XKR4: variants seen among roughly 807,000 people sequenced by gnomAD.
The protein encoded by XKR4 is XK related 4.
XKR4 carries 12 observed loss-of-function variants against 53.9 expected under a neutral mutation model. That is an observed-to-expected ratio of 0.22 (90% CI 0.14 to 0.36). The LOEUF (loss-of-function observed/expected upper bound fraction) is 0.36. XKR4 is among the 10% of genes least tolerant of loss of function. The pLI is 1.00. For synonymous variants in XKR4, 354 were observed against 362.4 expected (o/e 0.98, Z 0.26); for missense variants, 799 against 859.5 (o/e 0.93, Z 0.88).
intron 1 of XKR4, among the ~76,000 whole-genome samples, chr8:55,215,148 T>C (rs1394744480): frequency 1.3e-5 from 2 of 152,020 alleles, no homozygotes; most frequent in Non-Finnish European, 2.9e-5. Context: ...AGCTGCTGAG[T>C]ATTATCACAT....
At chr8:55,143,374 A>C (rs1466107072) in intron 1 of XKR4, among the ~76,000 whole-genome samples, 1 of 152,340 alleles carries the variant, frequency 6.6e-6, no homozygotes, top group African/African-American at 2.4e-5. Flanking sequence ...TAAAGTATAA[A>C]AAATTATCTC....
chr8:55,376,932 A>G (rs896751261), intron 2 of XKR4, among the ~76,000 whole-genome samples: 29 of 139,690 alleles, frequency 2.1e-4, no homozygotes, highest in African/African-American at 7.6e-4. Flanking sequence ...ACCCCTCTCC[A>G]TACACACACA....
chr8:55,451,559 G>A, intron 2 of XKR4: 1 of 1,110,062 alleles, frequency 9.0e-7, no homozygotes, highest in South Asian at 1.4e-5. Flanking sequence ...CCCCCAGAAT[G>A]CAGCAGTACT....
chr8:55,308,178 G>A (rs747145347), intron 1 of XKR4, among the ~76,000 whole-genome samples: 25 of 152,138 alleles, frequency 1.6e-4, no homozygotes, highest in African/African-American at 3.6e-4. Context: ...GCTTGAACCC[G>A]GGAGGCATAG....
intron 2 of XKR4, among the ~76,000 whole-genome samples, chr8:55,490,726 T>A (rs764240006): frequency 5.1e-4 from 78 of 152,354 alleles, no homozygotes; most frequent in Non-Finnish European, 9.1e-4. Flanking sequence ...ACTTTTTTAC[T>A]CTGACTACTT....
At chr8:55,181,763 G>T (rs1475139593) in intron 1 of XKR4, among the ~76,000 whole-genome samples, 1 of 152,002 alleles carries the variant, frequency 6.6e-6, no homozygotes, top group Non-Finnish European at 1.5e-5. Flanking sequence ...CTTCATGAAG[G>T]TCAGCTGTAA....
In XKR4 at chr8:55,208,381, T is replaced by C. The variant is rs141136378; in HGVS notation, c.806+105087T>C. Among the ~76,000 whole-genome samples, 18 of 152,334 alleles carry C rather than the reference T, an allele frequency of 1.2e-4. No homozygotes were observed. In the East Asian group the frequency reaches 3.5e-3, roughly 29 times the overall value. On this transcript the variant is annotated intron_variant, in intron 1 of 2. Transcript: ENST00000327381. Reference sequence around the variant, plus strand: ...TACACCTCTTAGCCATAAGAGAAAATACCTTTAAGTGAAGGGGGTTTCTAA... The same window carrying C: ...TACACCTCTTAGCCATAAGAGAAAACACCTTTAAGTGAAGGGGGTTTCTAA...
At chr8:55,177,907 C>T (rs1397436745) in intron 1 of XKR4, among the ~76,000 whole-genome samples, 3 of 152,152 alleles carry the variant, frequency 2.0e-5, no homozygotes, top group Non-Finnish European at 4.4e-5. Flanking sequence ...CTGGCCAGAG[C>T]TGTGTAGGCA....
chr8:55,206,166 A>G (rs796170542), intron 1 of XKR4, among the ~76,000 whole-genome samples: 7 of 152,334 alleles, frequency 4.6e-5, no homozygotes, highest in African/African-American at 1.4e-4. Flanking sequence ...TGCGAAGAGC[A>G]AAAGAACAAA....
intron 1 of XKR4, among the ~76,000 whole-genome samples, chr8:55,330,287 G>A (rs1285836960): frequency 6.6e-6 from 1 of 152,032 alleles, no homozygotes. Context: ...ACTAGGTAGG[G>A]GACTTCTCTC....
intron 2 of XKR4, among the ~76,000 whole-genome samples, chr8:55,419,248 G>T (rs1217095008): frequency 6.6e-6 from 1 of 152,090 alleles, no homozygotes; most frequent in Non-Finnish European, 1.5e-5. Flanking sequence ...TAGCCGGAGT[G>T]GTGGTGGGTG....
intron 1 of XKR4, among the ~76,000 whole-genome samples, chr8:55,265,457 G>A (rs962271222): frequency 3.3e-5 from 5 of 152,188 alleles, no homozygotes; most frequent in Non-Finnish European, 7.3e-5. Context: ...TCAGCAGTGG[G>A]ATCCCGAAGG....
chr8:55,308,539 C>T (rs1819343378), intron 1 of XKR4, among the ~76,000 whole-genome samples: 1 of 152,154 alleles, frequency 6.6e-6, no homozygotes, highest in South Asian at 2.1e-4. Flanking sequence ...TCACCTCCCA[C>T]CAGGTCCCTC....
At chr8:55,457,829 A>G (rs2929036) in intron 2 of XKR4, among the ~76,000 whole-genome samples, 61,275 of 152,070 alleles carry the variant, frequency 0.4, 13,089 homozygotes, top group East Asian at 0.53. Context: ...GTTTATGGAT[A>G]TGTGTGTGTA....
chr8:55,314,461 C>A (rs1563322415), intron 1 of XKR4, among the ~76,000 whole-genome samples: 1 of 152,098 alleles, frequency 6.6e-6, no homozygotes, highest in Non-Finnish European at 1.5e-5. Context: ...GAGAGGCCAC[C>A]ATTTGTCCCG....
intron 2 of XKR4, among the ~76,000 whole-genome samples, chr8:55,465,456 C>T (rs1230579241): frequency 6.6e-6 from 1 of 151,866 alleles, no homozygotes; most frequent in African/African-American, 2.4e-5. Context: ...AAACTGGATC[C>T]CTTCCTTACA....
At chr8:55,260,788 G>A (rs1383692270) in intron 1 of XKR4, among the ~76,000 whole-genome samples, 2 of 152,132 alleles carry the variant, frequency 1.3e-5, no homozygotes, top group South Asian at 2.1e-4. Context: ...CCTGACTGGT[G>A]CCATGTAGTC....
intron 1 of XKR4, among the ~76,000 whole-genome samples, chr8:55,331,426 A>G (rs941425941): frequency 2.0e-5 from 3 of 152,178 alleles, no homozygotes; most frequent in African/African-American, 7.2e-5. Context: ...TGTGTATTCT[A>G]CCGTTGTTGG....
intron 2 of XKR4, among the ~76,000 whole-genome samples, chr8:55,521,231 A>C (rs1215311728): frequency 6.6e-6 from 1 of 152,242 alleles, no homozygotes; most frequent in East Asian, 1.9e-4. Context: ...AAGAAGAGAG[A>C]TATGAGCGGC....
Sources: gnomAD v4.1 joint callset for allele counts (sites outside exome capture counted in the v4.1 genomes callset) on GRCh38, gnomAD v4.1.1 for gene constraint, MANE v1.5 for transcripts, NCBI Gene and HGNC (gene_info 2026-07-23, HGNC 2026-07-21) for gene names.